Variants in DRICH1 observed in about 807,000 individuals in gnomAD.
DRICH1 encodes the protein aspartate rich 1, also known as aspartate-rich protein 1.
A neutral mutation model predicts 39.5 loss-of-function variants in DRICH1; 38 were observed. The observed-to-expected ratio is 0.96, with a 90% CI of 0.74 to 1.26. The LOEUF (loss-of-function observed/expected upper bound fraction) is 1.26. Ranked by LOEUF, DRICH1 falls within the 50% of genes most tolerant of loss-of-function variation. The probability of loss-of-function intolerance (pLI) is 0.00; values close to 1 mark genes in which losing one functional copy is unlikely to be tolerated. For synonymous variants in DRICH1, 84 were observed against 99.5 expected, an observed-to-expected ratio of 0.84 and a Z score of 0.93; for missense variants, 279 against 270.4, an observed-to-expected ratio of 1.03 and a Z score of -0.22.
In DRICH1 at chr22:23,632,199, G is replaced by A; in HGVS notation, c.-176C>T. 2 of 1,035,652 alleles carry A rather than the reference G, an allele frequency of 1.9e-6. No individual in the cohort carries two copies. Among genetic ancestry groups the A allele is most frequent in the East Asian group, 5.3e-5 (2 of 38,094 alleles). 64.2% of individuals were successfully genotyped at this position (1,035,652 alleles called of 1,614,324 possible). A position where few individuals can be genotyped will look rare whatever the true frequency, so the allele number is the denominator to read the frequency against. ...CCACCTCCCAAACTAGCTGGTCTAT[G>A]AGGTCAGGGACCTGCTGTCTTCTTT... On this transcript the variant is annotated 5_prime_UTR_variant, in exon 1 of 12. Coordinates refer to ENST00000317749, the MANE Select transcript of DRICH1 (RefSeq NM_016449.4).
downstream of DRICH1, among the ~76,000 whole-genome samples, chr22:23,607,600 AG>A (rs1926810135): frequency 6.6e-6 from 1 of 151,840 alleles, no homozygotes; most frequent in Non-Finnish European, 1.5e-5. Flanking sequence ...GTCTCATTAG[AG>A]GCCCGGGTAT....
chr22:23,616,869 T>C lies in DRICH1; in HGVS notation c.525A>G (p.Leu175=), dbSNP rs1602337504. 1.2e-6 allele frequency: 2 copies of C among 1,614,078 alleles called. No individual in the cohort carries two copies. The highest frequency in any genetic ancestry group is 1.7e-6 in the Non-Finnish European group (2 of 1,179,920). ...GGTACATACCCTGGACAGGTGACGG[T>C]AAAATCTGCAATGAGATAAAAGAAG... ...CDDDDDDAQI[L]PSPVQACSED... Residue 175 remains leucine (L), a synonymous_variant, in exon 8 of 12, where the codon TTA becomes TTG. Transcript: ENST00000317749.
At chr22:23,607,148 A>C, downstream of DRICH1, 1 of 152,686 alleles carries the variant, frequency 6.5e-6, no homozygotes, top group Non-Finnish European at 1.5e-5. Context: ...TCCTGCCTGC[A>C]GGAGGATGCA....
chr22:23,629,906 C>T (rs1300920077), intron 1 of DRICH1, among the ~76,000 whole-genome samples: 4 of 152,278 alleles, frequency 2.6e-5, no homozygotes, highest in East Asian at 3.9e-4. Context: ...TGTGAGCCAC[C>T]GTGCCCGGCC....
Position 23,622,077 on chromosome 22 carries a change from A to AAAGATTGTCTTACCTGGGCATC in DRICH1, c.376_384+13dup. The stretch of plus-strand genomic sequence containing the variant: ...ACCAACATTTCCTTAGAAGACAAAG[A>AAAGATTGTCTTACCTGGGCATC]AAGATTGTCTTACCTGGGCATCATC... On this transcript the variant is annotated intron_variant, in intron 4 of 11. Transcript: ENST00000317749. 1 of 1,610,838 alleles carries AAAGATTGTCTTACCTGGGCATC rather than the reference A, an allele frequency of 6.2e-7. No individual in the cohort carries two copies. Among genetic ancestry groups the AAAGATTGTCTTACCTGGGCATC allele is most frequent in the Non-Finnish European group, 8.5e-7 (1 of 1,177,284 alleles).
downstream of DRICH1, among the ~76,000 whole-genome samples, chr22:23,607,923 C>A (rs986352014): frequency 6.6e-6 from 1 of 152,214 alleles, no homozygotes; most frequent in Non-Finnish European, 1.5e-5. Context: ...GGAGCTTTGG[C>A]CCCAAGTTGA....
downstream of DRICH1, among the ~76,000 whole-genome samples, chr22:23,605,860 A>C (rs557598285): frequency 2.9e-4 from 44 of 152,110 alleles, 1 homozygote; most frequent in South Asian, 8.9e-3. Context: ...GTGGGTGGAT[A>C]ACTTGAGGTC....
At chr22:23,613,522 A>G (rs1465432115) in intron 10 of DRICH1, 117 bp downstream of exon 10, 3 of 939,454 alleles carry the variant, frequency 3.2e-6, no homozygotes, top group African/African-American at 3.3e-5. Context: ...ATACTGGCAG[A>G]ATCACTTTCA....
chr22:23,596,012 C>T, the DRICH1 span, among the ~76,000 whole-genome samples: 1 of 152,216 alleles, frequency 6.6e-6, no homozygotes, highest in Non-Finnish European at 1.5e-5. Context: ...AACCCACAGC[C>T]TGTCTTCTCA....
intron 1 of DRICH1, among the ~76,000 whole-genome samples, 156 bp from the exon 2 acceptor site, chr22:23,626,204 C>T (rs568007044): frequency 1.3e-5 from 2 of 152,144 alleles, no homozygotes; most frequent in African/African-American, 4.8e-5. Context: ...ATGAGGGAGT[C>T]TCACCAGATA....
intron 10 of DRICH1, 137 bp downstream of exon 10, chr22:23,613,502 C>G: frequency 1.1e-6 from 1 of 897,824 alleles, no homozygotes; most frequent in Non-Finnish European, 1.8e-6. Context: ...GCTTCTCAGG[C>G]CAGAGTTCTA....
the DRICH1 span, among the ~76,000 whole-genome samples, chr22:23,586,601 T>A: frequency 6.6e-6 from 1 of 152,222 alleles, no homozygotes; most frequent in Non-Finnish European, 1.5e-5. Context: ...TGGAGTGCAA[T>A]GGCAGAATCT....
chr22:23,601,144 G>GCACACA, the DRICH1 span, among the ~76,000 whole-genome samples: 8 of 139,590 alleles, frequency 5.7e-5, no homozygotes, highest in African/African-American at 2.3e-4. Flanking sequence ...TAACGCACGC[G>GCACACA]CGCACACACA....
At position 23,608,816 on chromosome 22, in the gene DRICH1, T is replaced by G. The variant is rs768072369; in HGVS notation, c.686-48A>C. ...TTTAGTGAGAGCAGGCTCCCAGCTT[T>G]GTGCACTATGACATCATCCCACTAA... On this transcript the variant is annotated intron_variant, in intron 11 of 11. Transcript: ENST00000317749. The G allele has an allele frequency of 5.8e-6, 9 of 1,550,828 alleles. No homozygotes were observed. The East Asian group carries it at 2.2e-4, about 38-fold the overall frequency.
chr22:23,583,249 C>T, the DRICH1 span: 1 of 152,200 alleles, frequency 6.6e-6, no homozygotes, highest in African/African-American at 2.4e-5. Flanking sequence ...TGTCAAATCC[C>T]CTCTGGTATT....
rs1928326618 is a variant in DRICH1, at chr22:23,630,532, T to C, written c.208+1284A>G. ...TGCTGAAGTTTTTCTTCCTTTTTAT[T>C]AGAAGAATGACATGACTTGGGAGGC... is the stretch of plus-strand genomic sequence containing the variant. On this transcript the variant is annotated intron_variant, in intron 1 of 11. Transcript: ENST00000317749. 2.0e-5 allele frequency: 3 copies of C among 152,156 alleles called. No individual in the cohort carries two copies. The South Asian group carries it at 6.2e-4, about 31-fold the overall frequency. 9.4% of individuals were successfully genotyped at this position (152,156 alleles called of 1,614,324 possible). A position where few individuals can be genotyped will look rare whatever the true frequency, so the allele number is the denominator to read the frequency against.
chr22:23,621,334 G>A (rs1927715254), intron 4 of DRICH1, among the ~76,000 whole-genome samples: 1 of 151,862 alleles, frequency 6.6e-6, no homozygotes, highest in African/African-American at 2.4e-5. Flanking sequence ...AGCTACTTAG[G>A]TCATAGGTCA....
intron 4 of DRICH1, among the ~76,000 whole-genome samples, chr22:23,621,322 C>A (rs969435889): frequency 6.6e-6 from 1 of 151,894 alleles, no homozygotes; most frequent in South Asian, 2.1e-4. Context: ...ATCAGCCTGC[C>A]CAGCTACTTA....
At chr22:23,621,537 A>G (rs944254741) in intron 4 of DRICH1, among the ~76,000 whole-genome samples, 1 of 152,066 alleles carries the variant, frequency 6.6e-6, no homozygotes, top group African/African-American at 2.4e-5. Context: ...ACACTAGGGG[A>G]TAAATTGCTT....
Sources: gnomAD v4.1 joint callset for allele counts (sites outside exome capture counted in the v4.1 genomes callset) on GRCh38, gnomAD v4.1.1 for gene constraint, MANE v1.5 for transcripts, NCBI Gene and HGNC (gene_info 2026-07-23, HGNC 2026-07-21) for gene names.